The following EYA1 variants were observed in gnomAD, a reference collection of about 807,000 sequenced individuals.
EYA1 encodes protein phosphatase EYA1.
A neutral mutation model predicts 82.0 loss-of-function variants in EYA1; 16 were observed. The ratio of observed to expected loss-of-function variants is 0.20; its 90% CI spans 0.13 to 0.30. EYA1 has a LOEUF of 0.30. Ranked by LOEUF, EYA1 falls within the 10% of genes least tolerant of loss-of-function variation. The pLI is 1.00. For synonymous variants in EYA1, 261 were observed against 264.4 expected, an observed-to-expected ratio of 0.99 and a Z score of 0.12; for missense variants, 633 against 730.7, an observed-to-expected ratio of 0.87 and a Z score of 1.54.
chr8:71,347,188 T>C (rs965206293), intron 3 of EYA1, among the ~76,000 whole-genome samples: 2 of 152,214 alleles, frequency 1.3e-5, no homozygotes, highest in African/African-American at 4.8e-5. Context: ...GTGTAAAGAA[T>C]GTGGCTTTGA....
intron 1 of EYA1, among the ~76,000 whole-genome samples, chr8:71,540,374 T>A (rs1002189588): frequency 3.3e-5 from 5 of 152,188 alleles, no homozygotes; most frequent in African/African-American, 1.2e-4. Flanking sequence ...CACCCCATTG[T>A]ACAGGTAAAC....
chr8:71,451,254 A>G (rs1356113365), intron 2 of EYA1, among the ~76,000 whole-genome samples: 1 of 152,252 alleles, frequency 6.6e-6, no homozygotes, highest in African/African-American at 2.4e-5. Context: ...CATGTTCATC[A>G]TCACAGCAAT....
At chr8:71,366,842 T>C (rs1045315883), upstream of EYA1, among the ~76,000 whole-genome samples, 5 of 152,198 alleles carry the variant, frequency 3.3e-5, no homozygotes, top group Non-Finnish European at 7.3e-5. Context: ...TGTCTCCTCA[T>C]TGTATCATCA....
At chr8:71,306,551 T>C (rs1820761067) in intron 7 of EYA1, among the ~76,000 whole-genome samples, 1 of 152,040 alleles carries the variant, frequency 6.6e-6, no homozygotes, top group African/African-American at 2.4e-5. Flanking sequence ...CTCAGGAGAA[T>C]ATTATAACCA....
chr8:71,246,516 G>A (rs576193811), intron 11 of EYA1, among the ~76,000 whole-genome samples: 5 of 152,138 alleles, frequency 3.3e-5, no homozygotes, highest in East Asian at 1.9e-4. Flanking sequence ...AGACATGCCC[G>A]TGTGTTACCC....
intron 17 of EYA1, among the ~76,000 whole-genome samples, chr8:71,205,892 A>C (rs965999733): frequency 2.0e-5 from 3 of 152,356 alleles, no homozygotes; most frequent in Non-Finnish European, 2.9e-5. Context: ...CAAGCTAAAT[A>C]GTTAAAATCA....
chr8:71,267,587 T>G (rs1162346249), intron 11 of EYA1, among the ~76,000 whole-genome samples: 1 of 152,226 alleles, frequency 6.6e-6, no homozygotes, highest in Non-Finnish European at 1.5e-5. Context: ...CTTGCTCTGT[T>G]GCCCAGGCTG....
intron 2 of EYA1, among the ~76,000 whole-genome samples, chr8:71,478,920 T>C (rs550481427): frequency 6.6e-6 from 1 of 152,362 alleles, no homozygotes; most frequent in South Asian, 2.1e-4. Flanking sequence ...ATGCATCAGG[T>C]ACTGCAGAGA....
At chr8:71,212,572 A>G (rs1037419195) in intron 16 of EYA1, among the ~76,000 whole-genome samples, 9 of 152,214 alleles carry the variant, frequency 5.9e-5, no homozygotes, top group Admixed American at 2.6e-4. Flanking sequence ...CCTATATACT[A>G]TCTATCTCCT....
intron 9 of EYA1, among the ~76,000 whole-genome samples, chr8:71,294,735 T>C (rs1819413296): frequency 6.6e-6 from 1 of 152,142 alleles, no homozygotes; most frequent in South Asian, 2.1e-4. Context: ...ACTGACAAAT[T>C]GATTCTAAAG....
At chr8:71,234,675 T>C (rs1276000926) in intron 12 of EYA1, among the ~76,000 whole-genome samples, 2 of 152,090 alleles carry the variant, frequency 1.3e-5, no homozygotes, top group African/African-American at 2.4e-5. Flanking sequence ...CTATTTCTAA[T>C]TGTTGGTACC....
intron 2 of EYA1, among the ~76,000 whole-genome samples, chr8:71,506,315 C>T (rs778063978): frequency 1.3e-4 from 20 of 152,272 alleles, no homozygotes; most frequent in South Asian, 4.2e-4. Flanking sequence ...CAAAGGTTTG[C>T]CAAGGAGGCA....
intron 1 of EYA1, among the ~76,000 whole-genome samples, chr8:71,359,035 A>G (rs891285369): frequency 6.6e-6 from 1 of 152,030 alleles, no homozygotes; most frequent in African/African-American, 2.4e-5. Flanking sequence ...AACATAACAA[A>G]TGGTCATCTT....
intron 9 of EYA1, among the ~76,000 whole-genome samples, chr8:71,289,490 C>T (rs10504505): frequency 0.041 from 6,317 of 152,224 alleles, 454 homozygotes; most frequent in African/African-American, 0.14. Flanking sequence ...ATGTTTACTA[C>T]GCAGCTACTA....
chr8:71,427,052 A>G (rs1805282806), intron 2 of EYA1, among the ~76,000 whole-genome samples: 2 of 152,260 alleles, frequency 1.3e-5, no homozygotes, highest in African/African-American at 4.8e-5. Context: ...GATTTCTAAC[A>G]GAGTATGAAG....
At chr8:71,199,543 C>T in intron 17 of EYA1, 123 bp from the exon 18 acceptor site, 1 of 707,240 alleles carries the variant, frequency 1.4e-6, no homozygotes. Context: ...CAGCTAACAT[C>T]TTAACATCAC....
At chr8:71,217,894 C>T (rs967408053) in intron 12 of EYA1, among the ~76,000 whole-genome samples, 25 of 152,162 alleles carry the variant, frequency 1.6e-4, no homozygotes, top group African/African-American at 5.3e-4. Context: ...GCAGATATAT[C>T]GGAGCACCCA....
intron 11 of EYA1, among the ~76,000 whole-genome samples, chr8:71,248,965 T>C (rs761325878): frequency 4.6e-5 from 7 of 152,234 alleles, no homozygotes; most frequent in Non-Finnish European, 8.8e-5. Context: ...TTATAATACA[T>C]AATTTTCTTG....
intron 2 of EYA1, among the ~76,000 whole-genome samples, chr8:71,399,343 C>G (rs983806054): frequency 6.6e-6 from 1 of 152,194 alleles, no homozygotes; most frequent in African/African-American, 2.4e-5. Flanking sequence ...GCGGAAATCA[C>G]CCGTCTTCTG....
Sources: gnomAD v4.1 joint callset for allele counts (sites outside exome capture counted in the v4.1 genomes callset) on GRCh38, gnomAD v4.1.1 for gene constraint, MANE v1.5 for transcripts, NCBI Gene and HGNC (gene_info 2026-07-23, HGNC 2026-07-21) for gene names.